EHMT1: variants seen among roughly 807,000 people sequenced by gnomAD.
The protein encoded by EHMT1 is histone-lysine N-methyltransferase EHMT1.
Under a neutral mutation model 147.2 loss-of-function variants are expected in EHMT1, and 15 were observed. The observed-to-expected ratio is 0.10, with a 90% CI of 0.07 to 0.16. The LOEUF (loss-of-function observed/expected upper bound fraction) is 0.16, where lower values mean the gene tolerates loss of function less well. EHMT1 is among the 10% of genes least tolerant of loss of function. EHMT1 has a pLI of 1.00. For synonymous variants in EHMT1, 795 were observed against 709.6 expected, an observed-to-expected ratio of 1.12 and a Z score of -1.91; for missense variants, 1,587 against 1,772.4, an observed-to-expected ratio of 0.90 and a Z score of 1.88.
chr9:137,658,981 C>T (rs145562288), intron 1 of EHMT1, among the ~76,000 whole-genome samples: 5 of 152,120 alleles, frequency 3.3e-5, no homozygotes, highest in African/African-American at 4.8e-5. Context: ...GCTGAACCAT[C>T]GTAGACATCC....
At chr9:137,689,572 G>A (rs902943938) in intron 1 of EHMT1, among the ~76,000 whole-genome samples, 17 of 152,088 alleles carry the variant, frequency 1.1e-4, no homozygotes, top group African/African-American at 4.1e-4. Flanking sequence ...GTGCAGTGGT[G>A]CACACCTGTA....
chr9:137,763,912 C>T (rs3125798), intron 10 of EHMT1: 2,499 of 152,486 alleles, frequency 0.016, 63 homozygotes, highest in African/African-American at 0.057. Context: ...GGGCAACACC[C>T]GGGAGGAGCG....
At position 137,745,025 on chromosome 9, in the gene EHMT1, C is replaced by T. The variant is rs556852301; in HGVS notation, c.1170+935C>T. On this transcript the variant is annotated intron_variant, in intron 6 of 26. Transcript: ENST00000460843. ...GAAAGTTAAGAATCAAGTTGACATG[C>T]AAATCTGTGGTTTATTGTTCGAGTG... 1.6e-4 allele frequency among the ~76,000 whole-genome samples: 25 copies of T among 152,338 alleles called. No homozygotes were observed. The South Asian group carries it at 4.4e-3, about 27-fold the overall frequency.
At position 137,828,987 on chromosome 9, in the gene EHMT1, C is replaced by A. The variant is rs569335094; in HGVS notation, c.3541-5362C>A. 2.6e-5 allele frequency among the ~76,000 whole-genome samples: 4 copies of A among 152,320 alleles called. No homozygotes were observed. Among genetic ancestry groups the A allele is most frequent in the Middle Eastern group, 3.4e-3 (1 of 294 alleles). On this transcript the variant is annotated intron_variant, in intron 25 of 26. Coordinates refer to ENST00000460843, the MANE Select transcript of EHMT1 (RefSeq NM_024757.5). The surrounding 1 kb of genome is among the most constrained non-coding windows in gnomAD (Gnocchi z 5.3). ...GCCTCTGGCGAAGTGAAGTGAGCAC[C>A]TGTAGTGAGGTCCACTCCAAGCACC...
intron 4 of EHMT1, among the ~76,000 whole-genome samples, chr9:137,739,075 A>G (rs1305351813): frequency 6.8e-6 from 1 of 147,950 alleles, no homozygotes; most frequent in Admixed American, 6.8e-5. Context: ...TTTACTAGTA[A>G]AAAAAAAAAA....
chr9:137,826,772 A>C (rs897542802), intron 25 of EHMT1, among the ~76,000 whole-genome samples: 1 of 152,188 alleles, frequency 6.6e-6, no homozygotes, highest in Non-Finnish European at 1.5e-5. Context: ...CTCCCTGCTG[A>C]TGCGGCTGTG....
intron 1 of EHMT1, among the ~76,000 whole-genome samples, chr9:137,624,045 G>A (rs1034490458): frequency 5.3e-5 from 8 of 150,088 alleles, no homozygotes; most frequent in African/African-American, 2.0e-4. Flanking sequence ...TGTTGCCCAG[G>A]CTGGAGTACA....
At chr9:137,806,459 G>C (rs1476505892) in intron 18 of EHMT1, among the ~76,000 whole-genome samples, 1 of 150,402 alleles carries the variant, frequency 6.6e-6, no homozygotes, top group East Asian at 2.0e-4. Context: ...TTTTGAAATG[G>C]AGTTTTGCTC....
At chr9:137,817,627 C>A in intron 24 of EHMT1, 102 bp downstream of exon 24, 1 of 1,467,940 alleles carries the variant, frequency 6.8e-7, no homozygotes, top group Non-Finnish European at 9.5e-7. Context: ...AGGCACATCC[C>A]TGGCGTACAG....
intron 1 of EHMT1, among the ~76,000 whole-genome samples, chr9:137,666,447 A>G (rs918851159): frequency 1.3e-5 from 2 of 152,198 alleles, no homozygotes; most frequent in African/African-American, 4.8e-5. Context: ...ACCTGCCCCC[A>G]TGGCAGCCTC....
At chr9:137,710,785 G>A (rs1275192693) in intron 1 of EHMT1, among the ~76,000 whole-genome samples, 182 bp from the exon 2 acceptor site, 1 of 152,190 alleles carries the variant, frequency 6.6e-6, no homozygotes, top group Non-Finnish European at 1.5e-5. Flanking sequence ...CTTGGACTGT[G>A]TTCTGAATGC....
At chr9:137,690,849 G>T (rs1942873021) in intron 1 of EHMT1, among the ~76,000 whole-genome samples, 1 of 152,178 alleles carries the variant, frequency 6.6e-6, no homozygotes, top group Non-Finnish European at 1.5e-5. Context: ...ACATGTACAT[G>T]TCCAAGAGTG....
chr9:137,672,192 A>G (rs1337302246), intron 1 of EHMT1, among the ~76,000 whole-genome samples: 1 of 152,242 alleles, frequency 6.6e-6, no homozygotes, highest in Non-Finnish European at 1.5e-5. Flanking sequence ...AGGTGCACAA[A>G]TGTAAAACCG....
At chr9:137,796,337 C>T (rs1214626044) in intron 16 of EHMT1, among the ~76,000 whole-genome samples, 2 of 152,136 alleles carry the variant, frequency 1.3e-5, no homozygotes, top group African/African-American at 4.8e-5. Flanking sequence ...ACAAAGGACA[C>T]GAACAGGCAG....
intron 25 of EHMT1, chr9:137,834,144 G>T (rs1387380094): frequency 3.0e-6 from 2 of 659,768 alleles, no homozygotes; most frequent in South Asian, 3.8e-5. Context: ...GAGGACGGCA[G>T]GGTGCGGGGT....
chr9:137,622,547 TTCC>T (rs1842999203), intron 1 of EHMT1, among the ~76,000 whole-genome samples: 1 of 152,210 alleles, frequency 6.6e-6, no homozygotes, highest in African/African-American at 2.4e-5. Context: ...GACTATGGAC[TTCC>T]ATTAATGGTG....
intron 10 of EHMT1, among the ~76,000 whole-genome samples, chr9:137,769,799 T>C (rs1937245028): frequency 6.6e-6 from 1 of 152,152 alleles, no homozygotes; most frequent in African/African-American, 2.4e-5. Flanking sequence ...GTTTAAGAAA[T>C]TCTTAGCCAG....
intron 3 of EHMT1, among the ~76,000 whole-genome samples, chr9:137,719,219 T>A (rs1342759683): frequency 6.6e-6 from 1 of 152,190 alleles, no homozygotes; most frequent in Non-Finnish European, 1.5e-5. Flanking sequence ...CCTCTCAGAT[T>A]TAGCTTTTTC....
At chr9:137,747,421 G>A (rs1257733693) in intron 6 of EHMT1, 1 of 152,202 alleles carries the variant, frequency 6.6e-6, no homozygotes, top group Non-Finnish European at 1.5e-5. Flanking sequence ...GCCTCCCAAA[G>A]TGTTGGGATT....
Sources: allele counts gnomAD v4.1 joint callset (sites outside exome capture counted in the v4.1 genomes callset), GRCh38; gene constraint gnomAD v4.1.1; non-coding constraint Gnocchi (gnomAD v3.1); transcripts MANE v1.5; gene names NCBI Gene and HGNC (gene_info 2026-07-23, HGNC 2026-07-21).